L3MBTL4: variants seen among roughly 807,000 people sequenced by gnomAD.
The protein encoded by L3MBTL4 is L3MBTL histone methyl-lysine binding protein 4, also known as lethal(3)malignant brain tumor-like protein 4.
In L3MBTL4, 70 loss-of-function variants were observed where a neutral mutation model predicts 84.5. The ratio of observed to expected loss-of-function variants is 0.83; its 90% confidence interval spans 0.68 to 1.01. The LOEUF (loss-of-function observed/expected upper bound fraction) is 1.01. L3MBTL4 is among the 50% of genes least tolerant of loss of function. L3MBTL4 has a pLI of 0.00. For synonymous variants in L3MBTL4, 274 were observed against 259.8 expected, an observed-to-expected ratio of 1.05 and a Z score of -0.52; for missense variants, 715 against 754.8, an observed-to-expected ratio of 0.95 and a Z score of 0.62.
intron 14 of L3MBTL4, among the ~76,000 whole-genome samples, chr18:6,106,482 A>C (rs1005928441): frequency 6.6e-6 from 1 of 152,172 alleles, no homozygotes; most frequent in East Asian, 1.9e-4. Flanking sequence ...CATGGTGAAA[A>C]AGGAATTCTT....
chr18:6,378,336 G>T (rs1413102523), intron 1 of L3MBTL4, among the ~76,000 whole-genome samples: 1 of 152,118 alleles, frequency 6.6e-6, no homozygotes, highest in Non-Finnish European at 1.5e-5. Flanking sequence ...GATCCCATTT[G>T]TCAATTTTGG....
At chr18:6,369,809 A>G (rs970202469) in intron 1 of L3MBTL4, among the ~76,000 whole-genome samples, 2 of 152,160 alleles carry the variant, frequency 1.3e-5, no homozygotes, top group Admixed American at 6.5e-5. Flanking sequence ...GTTTCTGGTT[A>G]AAGAGGAGAA....
chr18:6,264,627 T>C (rs1443062164), intron 4 of L3MBTL4, among the ~76,000 whole-genome samples: 2 of 152,208 alleles, frequency 1.3e-5, no homozygotes, highest in East Asian at 1.9e-4. Flanking sequence ...CTACTAAAAA[T>C]ACAAAAATTA....
At chr18:6,394,196 G>A (rs992044973) in intron 1 of L3MBTL4, among the ~76,000 whole-genome samples, 10 of 152,152 alleles carry the variant, frequency 6.6e-5, no homozygotes, top group African/African-American at 2.4e-4. Flanking sequence ...GGCTGAGTGT[G>A]GTGGCTCACG....
intron 1 of L3MBTL4, among the ~76,000 whole-genome samples, chr18:6,371,669 C>A (rs1393843160): frequency 6.6e-6 from 1 of 152,160 alleles, no homozygotes; most frequent in East Asian, 1.9e-4. Context: ...TTGGTAATAA[C>A]AAATAATGCT....
intron 11 of L3MBTL4, among the ~76,000 whole-genome samples, 184 bp downstream of exon 11, chr18:6,215,566 A>G (rs1462143522): frequency 1.3e-5 from 2 of 152,224 alleles, no homozygotes; most frequent in Non-Finnish European, 2.9e-5. Flanking sequence ...ACATTTCTAT[A>G]TGGGAACAAT....
chr18:6,311,639 C>T lies in L3MBTL4; in HGVS notation c.-14G>A, dbSNP rs908193026. Reference sequence around the variant, plus strand: ...GGGCTGTTTCATTGCCACCCCCGCACTCCTTGGCAGTGGTTTTCTGTAAAA... The same window carrying T: ...GGGCTGTTTCATTGCCACCCCCGCATTCCTTGGCAGTGGTTTTCTGTAAAA... On this transcript the variant is annotated 5_prime_UTR_variant, in exon 3 of 19. In the 5' UTR this introduces an upstream ATG that the reference lacks. Coordinates refer to ENST00000317931, the MANE Select transcript of L3MBTL4 (RefSeq NM_001330559.2). 6.2e-7 allele frequency: 1 copy of T among 1,611,262 alleles called. No homozygotes were observed. The highest frequency in any genetic ancestry group is 8.5e-7 in the Non-Finnish European group (1 of 1,177,530).
chr18:6,280,072 T>A (rs921764441), intron 4 of L3MBTL4, among the ~76,000 whole-genome samples: 2 of 152,164 alleles, frequency 1.3e-5, no homozygotes, highest in African/African-American at 4.8e-5. Flanking sequence ...ATATCTCAAC[T>A]CCACAGCTCG....
At chr18:6,315,473 C>T (rs776948413) in intron 1 of L3MBTL4, among the ~76,000 whole-genome samples, 22 of 152,206 alleles carry the variant, frequency 1.4e-4, no homozygotes, top group Admixed American at 7.2e-4. Flanking sequence ...TATACACTTT[C>T]AATTAATACT....
At chr18:5,981,974 CTGTGTG>C (rs374606293) in intron 16 of L3MBTL4, among the ~76,000 whole-genome samples, 51 of 137,430 alleles carry the variant, frequency 3.7e-4, no homozygotes, top group African/African-American at 1.1e-3. Flanking sequence ...TTTCAATATT[CTGTGTG>C]TGTGTGTGTG....
intron 16 of L3MBTL4, among the ~76,000 whole-genome samples, chr18:6,002,229 G>A (rs2054246860): frequency 6.6e-6 from 1 of 152,124 alleles, no homozygotes; most frequent in African/African-American, 2.4e-5. Context: ...GAGAAACTTA[G>A]TAATTTCCAG....
chr18:6,018,483 G>C (rs972155716), intron 16 of L3MBTL4, among the ~76,000 whole-genome samples: 1 of 152,146 alleles, frequency 6.6e-6, no homozygotes, highest in Non-Finnish European at 1.5e-5. Context: ...CGGAAAGCCT[G>C]GTAGATTCTA....
At chr18:6,069,444 TC>T (rs113570185) in intron 16 of L3MBTL4, among the ~76,000 whole-genome samples, 1 of 152,056 alleles carries the variant, frequency 6.6e-6, no homozygotes, top group African/African-American at 2.4e-5. Context: ...TTTTTTTTTT[TC>T]CTCAGGTGAC....
At chr18:6,331,981 T>A (rs2052060903) in intron 1 of L3MBTL4, among the ~76,000 whole-genome samples, 1 of 151,410 alleles carries the variant, frequency 6.6e-6, no homozygotes, top group Admixed American at 6.6e-5. Context: ...AAAGCAAGAT[T>A]AAGCACAGTC....
At chr18:6,186,545 A>C (rs73938792) in intron 12 of L3MBTL4, among the ~76,000 whole-genome samples, 5,907 of 152,276 alleles carry the variant, frequency 0.039, 403 homozygotes, top group African/African-American at 0.14. Context: ...CAGCTCTCTC[A>C]GATGCAAGGA....
At chr18:5,986,783 A>G (rs2053481789) in intron 16 of L3MBTL4, among the ~76,000 whole-genome samples, 1 of 152,206 alleles carries the variant, frequency 6.6e-6, no homozygotes, top group African/African-American at 2.4e-5. Context: ...CATGGGCCCG[A>G]GTCCAACTAC....
chr18:6,307,330 G>A lies in L3MBTL4; in HGVS notation c.72+4224C>T, dbSNP rs770811628. 5.3e-5 allele frequency among the ~76,000 whole-genome samples: 8 copies of A among 151,642 alleles called. No homozygotes were observed. The East Asian group carries it at 9.7e-4, about 18-fold the overall frequency. ...TGCGCACCTGTAGTCCCAGCTACTC[G>A]GGAGGCTGAGGCAAGAGAATCGCTT... On this transcript the variant is annotated intron_variant, in intron 3 of 18. Transcript: ENST00000317931.
intron 17 of L3MBTL4, among the ~76,000 whole-genome samples, 170 bp downstream of exon 17, chr18:5,969,223 C>T (rs2052509337): frequency 6.6e-6 from 1 of 152,158 alleles, no homozygotes; most frequent in Admixed American, 6.5e-5. Context: ...TCCTCAGAAT[C>T]ATATCTGGCT....
Position 6,080,559 on chromosome 18 carries a change from A to T in L3MBTL4, c.1444+322T>A, listed in dbSNP as rs757279455. On this transcript the variant is annotated intron_variant, in intron 16 of 18. Coordinates refer to ENST00000317931, the MANE Select transcript of L3MBTL4 (RefSeq NM_001330559.2). ...AGTGAGACACTCCTGGTTTCCCTCC[A>T]TGGCCTCTGCAGATGGCAGAGTGGG... Among the ~76,000 whole-genome samples the T allele has an allele frequency of 6.8e-4, 103 of 152,206 alleles. 1 individual carries two copies. The highest frequency in any genetic ancestry group is 7.2e-4 in the Non-Finnish European group (49 of 68,040).
Sources: allele counts gnomAD v4.1 joint callset (sites outside exome capture counted in the v4.1 genomes callset), GRCh38; gene constraint gnomAD v4.1.1; transcripts MANE v1.5; gene names NCBI Gene and HGNC (gene_info 2026-07-23, HGNC 2026-07-21).